Variants in PSD3 observed in about 807,000 individuals in gnomAD.
PSD3 encodes the protein PH and SEC7 domain-containing protein 3.
Under a neutral mutation model 105.5 loss-of-function variants are expected in PSD3, and 49 were observed. The ratio of observed to expected loss-of-function variants is 0.46; its 90% confidence interval spans 0.37 to 0.59. PSD3 has a LOEUF of 0.59. Among genes scored for constraint, PSD3 ranks in the 20% least tolerant of loss-of-function variants. The probability of loss-of-function intolerance (pLI) is 0.00; values close to 1 mark genes in which losing one functional copy is unlikely to be tolerated. For synonymous variants in PSD3, 557 were observed against 457.8 expected (o/e 1.22, Z -2.77); for missense variants, 1,561 against 1,263.8 (o/e 1.24, Z -3.57).
chr8:18,949,244 A>AAAAAAT (rs1345423514), intron 1 of PSD3, among the ~76,000 whole-genome samples: 2 of 14,406 alleles, frequency 1.4e-4, no homozygotes, highest in African/African-American at 2.9e-4. Flanking sequence ...AAAAAAAAAA[A>AAAAAAT]ATATATATAT....
At chr8:18,929,973 C>G (rs900763800) in intron 2 of PSD3, among the ~76,000 whole-genome samples, 1 of 151,960 alleles carries the variant, frequency 6.6e-6, no homozygotes, top group African/African-American at 2.4e-5. Flanking sequence ...AGTGGAAGAT[C>G]GTACTTTAAA....
intron 1 of PSD3, among the ~76,000 whole-genome samples, chr8:19,080,873 T>G (rs999122739): frequency 3.9e-5 from 6 of 152,084 alleles, no homozygotes; most frequent in Non-Finnish European, 8.8e-5. Context: ...ATACCAAAAG[T>G]CACTGCCATT....
chr8:18,772,238 T>C (rs1807607322), intron 8 of PSD3, among the ~76,000 whole-genome samples: 1 of 152,190 alleles, frequency 6.6e-6, no homozygotes, highest in Admixed American at 6.5e-5. Flanking sequence ...TTTTTATATA[T>C]ATACGTGCAG....
Position 18,872,396 on chromosome 8 carries a change from C to A in PSD3, c.468G>T (p.Leu156=). ...AAAAACTAGAAACAGCATCTTGGTC[C>A]AGTACCTTTGTAGCCTGTAATGTTC... ...ISGTLQATKV[L]DQDAVSSFSV... is the part of the protein sequence containing the mutation. Residue 156 remains leucine (L), a synonymous_variant, in exon 3 of 16, where the codon CTG becomes CTT. Transcript: ENST00000327040. 6.2e-7 allele frequency: 1 copy of A among 1,614,172 alleles called. No individual in the cohort carries two copies. The highest frequency in any genetic ancestry group is 1.1e-5 in the South Asian group (1 of 91,090).
At chr8:18,703,751 T>C (rs573189417) in intron 9 of PSD3, among the ~76,000 whole-genome samples, 2 of 152,222 alleles carry the variant, frequency 1.3e-5, no homozygotes, top group Non-Finnish European at 2.9e-5. Flanking sequence ...ATGAATATGT[T>C]GCTAATGAGA....
rs1487072491 is a variant in PSD3 at position 18,531,140 on chromosome 8, G to C, written c.*4603C>G. 6.6e-6 allele frequency: 1 copy of C among 152,498 alleles called. No individual in the cohort carries two copies. Among genetic ancestry groups the C allele is most frequent in the Non-Finnish European group, 1.5e-5 (1 of 68,026 alleles). The allele number at this position is 152,498 out of a possible 1,614,324, so 9.4% of individuals were successfully genotyped here. A position where few individuals can be genotyped will look rare whatever the true frequency, so the allele number is the denominator to read the frequency against. On this transcript the variant is annotated 3_prime_UTR_variant, in exon 16 of 16. Transcript: ENST00000327040. ...CTGCCTGTAAGAATAGTCTCCAAAA[G>C]CCTGCAATACTACAGATACACACAC...
At chr8:18,549,423 G>T (rs1800636350) in intron 15 of PSD3, among the ~76,000 whole-genome samples, 1 of 152,196 alleles carries the variant, frequency 6.6e-6, no homozygotes, top group Non-Finnish European at 1.5e-5. Context: ...GGCCAGGCTG[G>T]TCTTGAACTC....
intron 2 of PSD3, among the ~76,000 whole-genome samples, chr8:18,930,009 A>G (rs1821635088): frequency 6.6e-6 from 1 of 152,222 alleles, no homozygotes; most frequent in Non-Finnish European, 1.5e-5. Flanking sequence ...TAAAAGACAT[A>G]GAAGATTGAT....
chr8:18,551,204 CAAAT>C (rs1429356388), intron 15 of PSD3, among the ~76,000 whole-genome samples: 5 of 152,018 alleles, frequency 3.3e-5, no homozygotes, highest in African/African-American at 1.2e-4. Flanking sequence ...CCAATGTTGA[CAAAT>C]AAAAATAAAC....
intron 1 of PSD3, among the ~76,000 whole-genome samples, chr8:19,050,443 C>G (rs1828487579): frequency 6.6e-6 from 1 of 152,124 alleles, no homozygotes; most frequent in African/African-American, 2.4e-5. Context: ...ACCCAAATGC[C>G]CAACAATGAT....
At chr8:18,591,052 A>T (rs1191121315) in intron 12 of PSD3, among the ~76,000 whole-genome samples, 2 of 152,204 alleles carry the variant, frequency 1.3e-5, no homozygotes, top group Non-Finnish European at 2.9e-5. Flanking sequence ...AAAAATATTG[A>T]GTAATCAATG....
At chr8:18,813,836 C>T (rs1811936361) in intron 4 of PSD3, among the ~76,000 whole-genome samples, 1 of 152,078 alleles carries the variant, frequency 6.6e-6, no homozygotes, top group Admixed American at 6.5e-5. Flanking sequence ...ATGAGAAGAT[C>T]CATGTATGAT....
At chr8:18,745,663 C>G (rs916142583) in intron 9 of PSD3, among the ~76,000 whole-genome samples, 5 of 152,212 alleles carry the variant, frequency 3.3e-5, no homozygotes, top group Admixed American at 6.5e-5. Context: ...CTACGCTGCT[C>G]ATTGATATTG....
chr8:18,594,740 A>G (rs961300902), intron 12 of PSD3, among the ~76,000 whole-genome samples: 2 of 152,018 alleles, frequency 1.3e-5, no homozygotes, highest in South Asian at 4.1e-4. Context: ...TGCATATATC[A>G]TATGTATATC....
intron 1 of PSD3, among the ~76,000 whole-genome samples, chr8:19,025,838 G>C (rs1228988010): frequency 6.6e-6 from 1 of 152,200 alleles, no homozygotes; most frequent in Non-Finnish European, 1.5e-5. Context: ...CAGAAGTGTA[G>C]TGTGAATAGA....
intron 11 of PSD3, among the ~76,000 whole-genome samples, chr8:18,627,544 A>G (rs1054765341): frequency 9.9e-5 from 15 of 152,088 alleles, no homozygotes; most frequent in African/African-American, 3.4e-4. Flanking sequence ...TACATGCCAT[A>G]TTGGAAAGAG....
At position 18,944,253 on chromosome 8, in the gene PSD3, G is replaced by T. The variant is rs549641065; in HGVS notation, c.22-8111C>A. 9.2e-5 allele frequency among the ~76,000 whole-genome samples: 14 copies of T among 152,154 alleles called. 1 individual carries two copies. Among genetic ancestry groups the T allele is most frequent in the Non-Finnish European group, 1.0e-4 (7 of 68,034 alleles). On this transcript the variant is annotated intron_variant, in intron 1 of 15. Coordinates refer to ENST00000327040, the MANE Select transcript of PSD3 (RefSeq NM_015310.4). ...TTGATCTGCCAGGTTTCACCACTGAGAAACCTTTTTAAGTTGACTTAAAAA... is the reference window on the plus strand; with the variant it reads ...TTGATCTGCCAGGTTTCACCACTGATAAACCTTTTTAAGTTGACTTAAAAA...
chr8:18,693,632 C>G (rs567400401), intron 9 of PSD3, among the ~76,000 whole-genome samples: 3 of 152,320 alleles, frequency 2.0e-5, no homozygotes, highest in Admixed American at 1.3e-4. Context: ...CGTAAAGACT[C>G]AGAGTCGGTG....
In PSD3 at chr8:18,854,939, C is replaced by A. The variant is rs576889644; in HGVS notation, c.1634+12735G>T. Among the ~76,000 whole-genome samples the A allele has an allele frequency of 2.0e-5, 3 of 152,334 alleles. No individual in the cohort carries two copies. In the South Asian group the frequency reaches 6.2e-4, roughly 32 times the overall value. ...GACACGTAAGTGGCCAGGCAACACA[C>A]ACAGCTGTCAGACACAGGCAACAAC... On this transcript the variant is annotated intron_variant, in intron 4 of 15. Transcript: ENST00000327040.
Sources: gnomAD v4.1 joint callset for allele counts (sites outside exome capture counted in the v4.1 genomes callset) on GRCh38, gnomAD v4.1.1 for gene constraint, MANE v1.5 for transcripts, NCBI Gene and HGNC (gene_info 2026-07-23, HGNC 2026-07-21) for gene names.